EYS: variants seen among roughly 807,000 people sequenced by gnomAD.
EYS encodes EGF-like photoreceptor maintenance factor.
Under a neutral mutation model 282.1 loss-of-function variants are expected in EYS, and 250 were observed. The ratio of observed to expected loss-of-function variants is 0.89; its 90% confidence interval spans 0.80 to 0.98. The LOEUF (loss-of-function observed/expected upper bound fraction) is 0.98, where lower values mean the gene tolerates loss of function less well. Ranked by LOEUF, EYS falls within the 50% of genes least tolerant of loss-of-function variation. The pLI is 0.00. For synonymous variants in EYS, 1,355 were observed against 1,282.9 expected (o/e 1.06, Z -1.20); for missense variants, 4,016 against 3,709.0 (o/e 1.08, Z -2.15).
intron 31 of EYS, among the ~76,000 whole-genome samples, chr6:64,086,434 A>G (rs959317346): frequency 6.6e-5 from 10 of 151,998 alleles, no homozygotes; most frequent in Non-Finnish European, 1.2e-4. Flanking sequence ...TTCAGTGGCT[A>G]CAGTATAATT....
In EYS at chr6:63,954,588, T is replaced by C. The variant is rs777691245; in HGVS notation, c.7055+29795A>G. Among the ~76,000 whole-genome samples the C allele has an allele frequency of 5.9e-5, 9 of 152,298 alleles. No homozygotes were observed. In the East Asian group the frequency reaches 1.7e-3, roughly 29 times the overall value. ...TGGGAGTCATTCACTGCAAGGGCCA[T>C]CAAAAGGCATCAGATGCCATCATTC... On this transcript the variant is annotated intron_variant, in intron 35 of 42. Coordinates refer to ENST00000503581, the MANE Select transcript of EYS (RefSeq NM_001142800.2).
chr6:65,597,342 C>G (rs1339275550), intron 2 of EYS, among the ~76,000 whole-genome samples: 1 of 151,896 alleles, frequency 6.6e-6, no homozygotes, highest in Admixed American at 6.6e-5. Context: ...TTCCATGGAA[C>G]AATAAATGAG....
At chr6:64,553,091 A>G (rs1765136463) in intron 26 of EYS, among the ~76,000 whole-genome samples, 1 of 152,026 alleles carries the variant, frequency 6.6e-6, no homozygotes, top group Non-Finnish European at 1.5e-5. Context: ...GTATAAAACC[A>G]AGCTGTAGCC....
chr6:63,765,330 T>C (rs1429300228), intron 40 of EYS, among the ~76,000 whole-genome samples: 1 of 151,886 alleles, frequency 6.6e-6, no homozygotes, highest in African/African-American at 2.4e-5. Flanking sequence ...AAAATGGGTA[T>C]TATGGTATCC....
intron 22 of EYS, 111 bp downstream of exon 22, chr6:64,813,266 TA>T: frequency 1.4e-6 from 1 of 708,962 alleles, no homozygotes; most frequent in Non-Finnish European, 2.2e-6. Context: ...ATATATAAGG[TA>T]AAATCTTACT....
chr6:65,274,272 T>C (rs1479306438), intron 12 of EYS, among the ~76,000 whole-genome samples: 1 of 152,306 alleles, frequency 6.6e-6, no homozygotes, highest in African/African-American at 2.4e-5. Flanking sequence ...AGAGGTTAGT[T>C]CTATCATGAA....
chr6:65,061,571 T>A (rs1050605631), intron 12 of EYS, among the ~76,000 whole-genome samples: 1 of 151,904 alleles, frequency 6.6e-6, no homozygotes, highest in Admixed American at 6.6e-5. Flanking sequence ...ATAAGTTTCA[T>A]GTGTTAATTT....
In EYS at chr6:64,263,457, G is replaced by A. The variant is rs145676241; in HGVS notation, c.6192-32633C>T. ...ACTGTTCTTTCCTTATGACAGCATTGTCCTATTTAATAACTTTTTGAATTT... is the reference window on the plus strand; with the variant it reads ...ACTGTTCTTTCCTTATGACAGCATTATCCTATTTAATAACTTTTTGAATTT... On this transcript the variant is annotated intron_variant, in intron 30 of 42. Coordinates refer to ENST00000503581, the MANE Select transcript of EYS (RefSeq NM_001142800.2). Among the ~76,000 whole-genome samples, 1,311 of 151,826 alleles carry A rather than the reference G, an allele frequency of 8.6e-3. 27 individuals are homozygous for A. Among genetic ancestry groups the A allele is most frequent in the African/African-American group, 0.029 (1,202 of 41,408 alleles).
At chr6:64,220,756 T>C (rs2150332988) in intron 31 of EYS, among the ~76,000 whole-genome samples, 1 of 152,302 alleles carries the variant, frequency 6.6e-6, no homozygotes, top group East Asian at 1.9e-4. Flanking sequence ...CATCTTTATA[T>C]TCATATAATA....
At chr6:64,220,273 C>A (rs1302213451) in intron 31 of EYS, among the ~76,000 whole-genome samples, 6 of 152,112 alleles carry the variant, frequency 3.9e-5, no homozygotes, top group South Asian at 4.1e-4. Context: ...TCACAAATTA[C>A]TGAGTTCTGG....
At chr6:63,742,222 C>G (rs560920398) in intron 41 of EYS, among the ~76,000 whole-genome samples, 1 of 152,080 alleles carries the variant, frequency 6.6e-6, no homozygotes, top group Admixed American at 6.6e-5. Context: ...ACTTACCTTT[C>G]TGGTCAAGGT....
At chr6:65,611,039 T>C (rs1378613890) in intron 2 of EYS, among the ~76,000 whole-genome samples, 1 of 152,072 alleles carries the variant, frequency 6.6e-6, no homozygotes, top group Non-Finnish European at 1.5e-5. Context: ...TTAAATGGCC[T>C]GTTGACCCAA....
intron 24 of EYS, among the ~76,000 whole-genome samples, chr6:64,601,174 C>A (rs1191137316): frequency 6.6e-6 from 1 of 151,890 alleles, no homozygotes; most frequent in Non-Finnish European, 1.5e-5. Context: ...CAACTTTTTT[C>A]TTTCTCCATT....
At chr6:63,758,473 G>A (rs1451011889) in intron 41 of EYS, among the ~76,000 whole-genome samples, 4 of 151,862 alleles carry the variant, frequency 2.6e-5, no homozygotes, top group Non-Finnish European at 4.4e-5. Context: ...TGTAGGAGGC[G>A]ACTAATACTA....
intron 26 of EYS, among the ~76,000 whole-genome samples, chr6:64,562,819 A>G (rs1395886990): frequency 6.6e-6 from 1 of 151,926 alleles, no homozygotes; most frequent in Non-Finnish European, 1.5e-5. Context: ...TTTCATTTAA[A>G]ACAATACTTA....
At chr6:64,140,810 A>T (rs758870939) in intron 31 of EYS, among the ~76,000 whole-genome samples, 1 of 152,036 alleles carries the variant, frequency 6.6e-6, no homozygotes, top group Non-Finnish European at 1.5e-5. Context: ...ACTCTCCTTT[A>T]TGGTTTCTCT....
chr6:65,302,971 C>G, intron 11 of EYS: 1 of 1,570,982 alleles, frequency 6.4e-7, no homozygotes, highest in Non-Finnish European at 8.8e-7. Flanking sequence ...TTCCTAGCCC[C>G]AAGCATCCAC....
chr6:65,108,768 A>C (rs1242587363), intron 12 of EYS, among the ~76,000 whole-genome samples: 11 of 152,152 alleles, frequency 7.2e-5, no homozygotes, highest in Admixed American at 7.2e-4. Flanking sequence ...TGATATGTTC[A>C]TATATAATTT....
At chr6:65,083,430 A>G (rs1286170633) in intron 12 of EYS, among the ~76,000 whole-genome samples, 1 of 152,044 alleles carries the variant, frequency 6.6e-6, no homozygotes, top group African/African-American at 2.4e-5. Context: ...GACTCTTTAC[A>G]TGACTGTAGA....
Sources: allele counts gnomAD v4.1 joint callset (sites outside exome capture counted in the v4.1 genomes callset), GRCh38; gene constraint gnomAD v4.1.1; transcripts MANE v1.5; gene names NCBI Gene and HGNC (gene_info 2026-07-23, HGNC 2026-07-21).